The following FANCC variants were observed in gnomAD, a reference collection of about 807,000 sequenced individuals.
The protein encoded by FANCC is Fanconi anemia group C protein.
FANCC carries 55 observed loss-of-function variants against 71.3 expected under a neutral mutation model. That is an observed-to-expected ratio of 0.77 (90% confidence interval 0.62 to 0.97). The LOEUF is 0.97. FANCC is among the 50% of genes least tolerant of loss of function. FANCC has a pLI of 0.00. For missense variants in FANCC, 678 were observed against 670.9 expected, an observed-to-expected ratio of 1.01 and a Z score of -0.12; for synonymous variants, 275 against 244.9, an observed-to-expected ratio of 1.12 and a Z score of -1.15.
intron 13 of FANCC, chr9:95,110,128 G>T: frequency 2.2e-6 from 1 of 452,192 alleles, no homozygotes; most frequent in Non-Finnish European, 2.9e-6. Flanking sequence ...AAAATCCTAG[G>T]CATCCCCTGA....
chr9:95,136,044 A>G (rs530881015), intron 7 of FANCC, among the ~76,000 whole-genome samples: 79 of 152,350 alleles, frequency 5.2e-4, no homozygotes, highest in African/African-American at 1.9e-3. Flanking sequence ...TGCTTGGCAC[A>G]TAAATATCCA....
chr9:95,101,948 A>G (rs570323040), intron 14 of FANCC, 98 bp from the exon 15 acceptor site: 184 of 1,355,524 alleles, frequency 1.4e-4, no homozygotes, highest in Admixed American at 3.0e-4. Flanking sequence ...CCCTGAAAGA[A>G]GCCCTATCCA....
chr9:95,170,992 T>C, intron 6 of FANCC, 87 bp downstream of exon 6: 1 of 950,634 alleles, frequency 1.1e-6, no homozygotes, highest in African/African-American at 1.6e-5. Context: ...TGAACATCCA[T>C]TTCCTATGAA....
intron 4 of FANCC, among the ~76,000 whole-genome samples, chr9:95,223,533 T>C (rs936950541): frequency 2.0e-5 from 3 of 152,150 alleles, no homozygotes; most frequent in Admixed American, 1.3e-4. Flanking sequence ...TCTGAGGTAT[T>C]GGGGGTTAGT....
chr9:95,110,274 C>G, intron 13 of FANCC: 1 of 1,011,356 alleles, frequency 9.9e-7, no homozygotes, highest in Non-Finnish European at 1.2e-6. Flanking sequence ...AAGTGATTCT[C>G]TGTCAGTAAC....
In FANCC at chr9:95,100,597, C is replaced by A; in HGVS notation, c.*1110G>T. The A allele has an allele frequency of 4.3e-6, 1 of 230,790 alleles. No individual in the cohort carries two copies. The highest frequency in any genetic ancestry group is 8.6e-6 in the Non-Finnish European group (1 of 116,452). 14.3% of individuals were successfully genotyped at this position (230,790 alleles called of 1,614,324 possible). Reference sequence around the variant, plus strand: ...CCCTGAAAGGAAAAAGCACCCTGTACTGACATGAAATAAATGTTAACCTTG... The same window carrying A: ...CCCTGAAAGGAAAAAGCACCCTGTAATGACATGAAATAAATGTTAACCTTG... On this transcript the variant is annotated 3_prime_UTR_variant, in exon 15 of 15. Coordinates refer to ENST00000289081, the MANE Select transcript of FANCC (RefSeq NM_000136.3).
chr9:95,120,512 T>G (rs990645984), intron 10 of FANCC, among the ~76,000 whole-genome samples: 7 of 151,886 alleles, frequency 4.6e-5, no homozygotes, highest in Admixed American at 2.6e-4. Flanking sequence ...CGTTCTGGGC[T>G]CAAGCAATCC....
chr9:95,198,259 C>A (rs898439458), intron 4 of FANCC, among the ~76,000 whole-genome samples: 3 of 152,156 alleles, frequency 2.0e-5, no homozygotes, highest in Admixed American at 2.0e-4. Context: ...AATTCAAAAT[C>A]CACTAATCTG....
intron 1 of FANCC, among the ~76,000 whole-genome samples, chr9:95,255,170 GAGC>G (rs1458586459): frequency 6.6e-6 from 1 of 152,162 alleles, no homozygotes; most frequent in Non-Finnish European, 1.5e-5. Context: ...GCTCTGAAGA[GAGC>G]AGCAGATCTC....
chr9:95,174,936 A>C (rs1324562755), intron 4 of FANCC, among the ~76,000 whole-genome samples: 2 of 152,112 alleles, frequency 1.3e-5, no homozygotes, highest in African/African-American at 4.8e-5. Context: ...CACACATCCA[A>C]AAAGATACAA....
intron 1 of FANCC, among the ~76,000 whole-genome samples, chr9:95,261,269 C>A (rs1832030054): frequency 6.6e-6 from 1 of 152,148 alleles, no homozygotes; most frequent in Non-Finnish European, 1.5e-5. Flanking sequence ...AGGTAATCTA[C>A]AAACCTATTA....
At chr9:95,250,531 T>C (rs1218318724) in intron 1 of FANCC, among the ~76,000 whole-genome samples, 2 of 152,306 alleles carry the variant, frequency 1.3e-5, no homozygotes, top group South Asian at 2.1e-4. Flanking sequence ...GCACACACAC[T>C]AGAACATTTA....
intron 10 of FANCC, among the ~76,000 whole-genome samples, chr9:95,117,912 G>C (rs1251802488): frequency 3.9e-5 from 6 of 152,158 alleles, no homozygotes; most frequent in Admixed American, 1.3e-4. Flanking sequence ...AGTAGAGACA[G>C]AGTTTCTCCA....
chr9:95,176,922 C>A (rs368151217), intron 4 of FANCC, among the ~76,000 whole-genome samples: 1 of 152,222 alleles, frequency 6.6e-6, no homozygotes, highest in African/African-American at 2.4e-5. Context: ...GACCAGCTCA[C>A]GGAGGGTGAC....
intron 1 of FANCC, among the ~76,000 whole-genome samples, chr9:95,308,657 G>T (rs1835208306): frequency 6.6e-6 from 1 of 152,072 alleles, no homozygotes; most frequent in Non-Finnish European, 1.5e-5. Context: ...GCGATTACAG[G>T]CATGAGCCAC....
At chr9:95,158,931 T>C (rs1427162984) in intron 6 of FANCC, among the ~76,000 whole-genome samples, 1 of 152,204 alleles carries the variant, frequency 6.6e-6, no homozygotes, top group Non-Finnish European at 1.5e-5. Context: ...GATGAAAATG[T>C]AACCTAAGAG....
chr9:95,317,107 A>G lies in FANCC; in HGVS notation c.-79+419T>C, dbSNP rs4647352. The G allele has an allele frequency of 3.3e-3, 509 of 152,554 alleles. 10 individuals are homozygous for G. In the East Asian group the frequency reaches 0.043, roughly 13 times the overall value. 9.5% of individuals were successfully genotyped at this position (152,554 alleles called of 1,614,324 possible). On this transcript the variant is annotated intron_variant, in intron 1 of 14. Transcript: ENST00000289081. ...GGGCGAGCTTTTCACGGCTCCCACG[A>G]GTCCGAGGCAGAGAAATTCACCTTT... is the stretch of plus-strand genomic sequence containing the variant.
At chr9:95,163,028 C>A (rs181347452) in intron 6 of FANCC, among the ~76,000 whole-genome samples, 3 of 152,152 alleles carry the variant, frequency 2.0e-5, no homozygotes, top group African/African-American at 7.2e-5. Flanking sequence ...AAGATCATTG[C>A]GAAGTCCAAT....
intron 1 of FANCC, among the ~76,000 whole-genome samples, chr9:95,258,390 C>G (rs374218919): frequency 6.6e-6 from 1 of 152,158 alleles, no homozygotes; most frequent in African/African-American, 2.4e-5. Context: ...TCAACATATG[C>G]CAGTCAATAA....
Sources: gnomAD v4.1 joint callset for allele counts (sites outside exome capture counted in the v4.1 genomes callset) on GRCh38, gnomAD v4.1.1 for gene constraint, MANE v1.5 for transcripts, NCBI Gene and HGNC (gene_info 2026-07-23, HGNC 2026-07-21) for gene names.